MAPRE2: variants seen among roughly 807,000 people sequenced by gnomAD.
MAPRE2 encodes the protein microtubule associated protein RP/EB family member 2, also known as microtubule-associated protein RP/EB family member 2.
A neutral mutation model predicts 43.2 loss-of-function variants in MAPRE2; 13 were observed. That is an observed-to-expected ratio of 0.30 (90% CI 0.20 to 0.48). The LOEUF is 0.48. MAPRE2 is among the 20% of genes least tolerant of loss of function. The probability of loss-of-function intolerance (pLI) is 0.99; values close to 1 mark genes in which losing one functional copy is unlikely to be tolerated. For missense variants in MAPRE2, 161 were observed against 400.2 expected, an observed-to-expected ratio of 0.40 and a Z score of 5.10; for synonymous variants, 135 against 148.8, an observed-to-expected ratio of 0.91 and a Z score of 0.68.
At chr18:35,091,886 GAA>G (rs1162723256) in intron 2 of MAPRE2, among the ~76,000 whole-genome samples, 1 of 152,206 alleles carries the variant, frequency 6.6e-6, no homozygotes, top group African/African-American at 2.4e-5. Context: ...TTAATATTAA[GAA>G]AAGAGGCTTA....
At chr18:35,086,878 G>A (rs902237327) in intron 2 of MAPRE2, among the ~76,000 whole-genome samples, 1 of 152,056 alleles carries the variant, frequency 6.6e-6, no homozygotes, top group African/African-American at 2.4e-5. Context: ...ACCCAAATGT[G>A]GGTGTTTTTA....
At chr18:35,012,814 A>G (rs973067215) in intron 2 of MAPRE2, among the ~76,000 whole-genome samples, 23 of 152,142 alleles carry the variant, frequency 1.5e-4, no homozygotes, top group African/African-American at 5.5e-4. Flanking sequence ...CATTCTGGAG[A>G]AGGATGGTGG....
chr18:35,136,114 TC>T (rs1373545669), intron 6 of MAPRE2, among the ~76,000 whole-genome samples: 2 of 152,122 alleles, frequency 1.3e-5, no homozygotes, highest in African/African-American at 4.8e-5. Context: ...GAGCAGAAAA[TC>T]AACAGAGGTG....
At chr18:35,005,647 A>G in intron 2 of MAPRE2, 2 of 710,700 alleles carry the variant, frequency 2.8e-6, no homozygotes, top group East Asian at 3.0e-5. Flanking sequence ...TTTATTTTCA[A>G]AATTCCAGTA....
Position 35,003,044 on chromosome 18 carries a change from C to A in MAPRE2, c.-69-2448C>A, listed in dbSNP as rs145632974. On this transcript the variant is annotated intron_variant, in intron 1 of 7. Transcript: ENST00000413393. Reference sequence around the variant, plus strand: ...TGTAGTCTTACATTTCACATTTATGCCATGATCCATTTTGAGTTCGTTTTT... The same window carrying A: ...TGTAGTCTTACATTTCACATTTATGACATGATCCATTTTGAGTTCGTTTTT... Among the ~76,000 whole-genome samples the A allele has an allele frequency of 5.2e-3, 787 of 152,162 alleles. 3 individuals are homozygous for A. The highest frequency in any genetic ancestry group is 8.7e-3 in the South Asian group (42 of 4,820).
intron 2 of MAPRE2, among the ~76,000 whole-genome samples, chr18:35,090,582 A>G (rs1908096160): frequency 6.6e-6 from 1 of 151,942 alleles, no homozygotes; most frequent in Non-Finnish European, 1.5e-5. Context: ...AAATACAAAA[A>G]TGAGCCAGTT....
chr18:35,136,345 G>A (rs1324998103), intron 6 of MAPRE2, among the ~76,000 whole-genome samples: 2 of 152,152 alleles, frequency 1.3e-5, no homozygotes, highest in African/African-American at 4.8e-5. Flanking sequence ...AGGGCCTCTT[G>A]TCACTGGACT....
rs75107927 is a variant in MAPRE2 at position 35,047,021 on chromosome 18, G to T, written c.122+5360G>T. Among the ~76,000 whole-genome samples the T allele has an allele frequency of 5.7e-3, 870 of 152,242 alleles. 10 individuals are homozygous for T. Among genetic ancestry groups the T allele is most frequent in the African/African-American group, 0.02 (830 of 41,532 alleles). Reference sequence around the variant, plus strand: ...CCCTTGGCATTTAATGATGTAAAAAGTTCCGATGTGGCTGATGAAACTGCT... The same window carrying T: ...CCCTTGGCATTTAATGATGTAAAAATTTCCGATGTGGCTGATGAAACTGCT... On this transcript the variant is annotated intron_variant, in intron 1 of 6. Transcript: ENST00000300249.
At chr18:35,027,991 C>T (rs1171681613) in intron 2 of MAPRE2, among the ~76,000 whole-genome samples, 1 of 152,214 alleles carries the variant, frequency 6.6e-6, no homozygotes, top group Non-Finnish European at 1.5e-5. Context: ...CTAGACTTCT[C>T]ACAGGGCAGC....
rs536022926 is a variant in MAPRE2, at chr18:35,014,288, C to T, written c.-8+8735C>T. Among the ~76,000 whole-genome samples, 11 of 151,836 alleles carry T rather than the reference C, an allele frequency of 7.2e-5. No homozygotes were observed. The South Asian group carries it at 1.5e-3, about 20-fold the overall frequency. ...ATCTGGTTTATGAATAATGACGGAA[C>T]CCAAACTAGGGAAACAGAAGGGTGA... On this transcript the variant is annotated intron_variant, in intron 2 of 7. Transcript: ENST00000413393.
chr18:35,067,515 G>A (rs16966372), intron 1 of MAPRE2, among the ~76,000 whole-genome samples: 4,361 of 151,974 alleles, frequency 0.029, 199 homozygotes, highest in African/African-American at 0.1. Flanking sequence ...CTTGTGTATG[G>A]GTTATTTTTC....
intron 2 of MAPRE2, among the ~76,000 whole-genome samples, chr18:35,096,332 T>C (rs1908414852): frequency 6.6e-6 from 1 of 152,220 alleles, no homozygotes; most frequent in Non-Finnish European, 1.5e-5. Flanking sequence ...GACTTGTTCC[T>C]ATTCTTGCCA....
chr18:35,071,795 G>A (rs940450586), intron 2 of MAPRE2, among the ~76,000 whole-genome samples: 2 of 152,218 alleles, frequency 1.3e-5, no homozygotes, highest in African/African-American at 2.4e-5. Flanking sequence ...CTAACTTTGA[G>A]TATGATTGAC....
chr18:34,996,567 A>G (rs915648200), intron 1 of MAPRE2, among the ~76,000 whole-genome samples: 1 of 152,130 alleles, frequency 6.6e-6, no homozygotes, highest in Non-Finnish European at 1.5e-5. Context: ...GGTACTCAAG[A>G]GTCCCAGCTT....
chr18:35,072,230 ACCCCTT>A (rs1175886912), intron 2 of MAPRE2, among the ~76,000 whole-genome samples: 1 of 152,204 alleles, frequency 6.6e-6, no homozygotes, highest in Non-Finnish European at 1.5e-5. Context: ...GATAACACAT[ACCCCTT>A]TGTATTGTAA....
intron 1 of MAPRE2, among the ~76,000 whole-genome samples, chr18:34,978,746 C>T (rs1424183645): frequency 6.6e-6 from 1 of 152,058 alleles, no homozygotes; most frequent in African/African-American, 2.4e-5. Flanking sequence ...GGGAGCTCAC[C>T]GAGTGATTGG....
chr18:35,095,384 A>G (rs896319416), intron 2 of MAPRE2, among the ~76,000 whole-genome samples: 1 of 143,824 alleles, frequency 7.0e-6, no homozygotes, highest in Non-Finnish European at 1.5e-5. Context: ...ACACACACAC[A>G]CACACACACA....
chr18:35,032,722 T>A (rs773181077), intron 2 of MAPRE2, among the ~76,000 whole-genome samples: 3 of 152,142 alleles, frequency 2.0e-5, no homozygotes, highest in Admixed American at 2.0e-4. Flanking sequence ...CCTGTTCTCA[T>A]GCTTCCAGCT....
At chr18:35,041,331 G>A, upstream of MAPRE2, 1 of 1,431,552 alleles carries the variant, frequency 7.0e-7, no homozygotes, top group South Asian at 1.5e-5. Flanking sequence ...CTGGCCACGT[G>A]ACCAGGGTGC....
Sources: gnomAD v4.1 joint callset for allele counts (sites outside exome capture counted in the v4.1 genomes callset) on GRCh38, gnomAD v4.1.1 for gene constraint, MANE v1.5 for transcripts, NCBI Gene and HGNC (gene_info 2026-07-23, HGNC 2026-07-21) for gene names.